CBR4: variants seen among roughly 807,000 people sequenced by gnomAD.
The protein encoded by CBR4 is carbonyl reductase 4, also known as 3-oxoacyl-[acyl-carrier-protein] reductase.
Under a neutral mutation model 21.0 loss-of-function variants are expected in CBR4, and 22 were observed. The observed-to-expected ratio is 1.05, with a 90% CI of 0.75 to 1.50. The LOEUF (loss-of-function observed/expected upper bound fraction) is 1.50, where lower values mean the gene tolerates loss of function less well. Ranked by LOEUF, CBR4 falls within the 40% of genes most tolerant of loss-of-function variation. The probability of loss-of-function intolerance (pLI) is 0.00; values close to 1 mark genes in which losing one functional copy is unlikely to be tolerated. For missense variants in CBR4, 302 were observed against 286.3 expected (o/e 1.05, Z -0.40); for synonymous variants, 100 against 104.4 (o/e 0.96, Z 0.26).
chr4:168,956,322 T>A, intron 2 of CBR4, among the ~76,000 whole-genome samples: 1 of 151,788 alleles, frequency 6.6e-6, no homozygotes, highest in East Asian at 1.9e-4. Flanking sequence ...GTAAGGGAAA[T>A]AGGCTGGGTG....
intron 3 of CBR4, among the ~76,000 whole-genome samples, chr4:169,002,472 C>T (rs1011425360): frequency 3.3e-5 from 5 of 152,120 alleles, no homozygotes; most frequent in Admixed American, 2.6e-4. Flanking sequence ...TGATTCACTA[C>T]GTGAAGGGGA....
At chr4:168,911,835 G>A (rs1223047163) in intron 2 of CBR4, among the ~76,000 whole-genome samples, 4 of 152,166 alleles carry the variant, frequency 2.6e-5, no homozygotes, top group African/African-American at 9.7e-5. Flanking sequence ...GAAACACAGT[G>A]TTTTAACTAT....
chr4:169,002,154 C>T lies in CBR4; in HGVS notation c.452G>A (p.Ser151Asn). The change falls in exon 4 of 5, where the codon AGT (serine) becomes AAT (asparagine). Residue 151 changes from serine (S) to asparagine (N), a missense_variant. Transcript: ENST00000306193. Reference sequence around the variant, plus strand: ...TGAAAATCCAACTAATCCTCCTTTACTGGCACTGTAAACGGACTGGCCAGA... The same window carrying T: ...TGAAAATCCAACTAATCCTCCTTTATTGGCACTGTAAACGGACTGGCCAGA... ...GNSGQSVYSA[S>N]KGGLVGFSRA... 2 of 1,578,132 alleles carry T rather than the reference C, an allele frequency of 1.3e-6. No homozygotes were observed. The highest frequency in any genetic ancestry group is 1.9e-4 in the Middle Eastern group (1 of 5,378).
intron 2 of CBR4, among the ~76,000 whole-genome samples, chr4:168,945,494 G>C (rs1763375211): frequency 6.6e-6 from 1 of 152,148 alleles, no homozygotes; most frequent in African/African-American, 2.4e-5. Context: ...GGGGGCCTTA[G>C]GAACTTTGTT....
chr4:168,956,583 G>A (rs1452527904), intron 2 of CBR4, among the ~76,000 whole-genome samples: 2 of 105,978 alleles, frequency 1.9e-5, no homozygotes, highest in African/African-American at 7.5e-5. Context: ...GGGCGACACA[G>A]CCAGACCCTG....
At chr4:168,914,072 A>G (rs377661246) in intron 2 of CBR4, 3 of 1,065,766 alleles carry the variant, frequency 2.8e-6, no homozygotes, top group East Asian at 2.5e-5. Context: ...ATTTATTACT[A>G]TAAATGTAGT....
chr4:169,002,740 ATTTTTTTT>A (rs34433008), intron 3 of CBR4, among the ~76,000 whole-genome samples: 1 of 142,476 alleles, frequency 7.0e-6, no homozygotes, highest in African/African-American at 2.5e-5. Flanking sequence ...CAGATATTGC[ATTTTTTTT>A]TTTTTTTTTT....
At chr4:168,931,129 C>T (rs1329809768) in intron 2 of CBR4, among the ~76,000 whole-genome samples, 1 of 152,176 alleles carries the variant, frequency 6.6e-6, no homozygotes, top group Non-Finnish European at 1.5e-5. Flanking sequence ...GCCTGAACTT[C>T]CAGGCAGAGA....
chr4:168,986,010 T>A (rs977495641), downstream of CBR4, among the ~76,000 whole-genome samples: 1 of 151,426 alleles, frequency 6.6e-6, no homozygotes, highest in African/African-American at 2.4e-5. Flanking sequence ...CCCTGTGACA[T>A]GTAATTTACC....
At chr4:168,969,496 G>T (rs921913410) in intron 2 of CBR4, among the ~76,000 whole-genome samples, 1 of 152,062 alleles carries the variant, frequency 6.6e-6, no homozygotes, top group African/African-American at 2.4e-5. Context: ...ATAATCACAT[G>T]AACCCTTAAA....
At chr4:168,913,255 G>C (rs1420092279) in intron 2 of CBR4, among the ~76,000 whole-genome samples, 1 of 151,234 alleles carries the variant, frequency 6.6e-6, no homozygotes, top group Non-Finnish European at 1.5e-5. Context: ...TTCTGCCTCA[G>C]CCTCCCAAGT....
At chr4:168,913,449 TTAATTAGTATATTACTA>T (rs1466198495) in intron 2 of CBR4, among the ~76,000 whole-genome samples, 1 of 152,066 alleles carries the variant, frequency 6.6e-6, no homozygotes, top group Non-Finnish European at 1.5e-5. Flanking sequence ...CCACTAACAT[TTAATTAGTATATTACTA>T]TAATTAGTAT....
At chr4:168,908,700 C>G (rs1758318087) in intron 2 of CBR4, among the ~76,000 whole-genome samples, 1 of 152,020 alleles carries the variant, frequency 6.6e-6, no homozygotes, top group South Asian at 2.1e-4. Context: ...TTCTAGTACA[C>G]TGTAGCCCAG....
chr4:168,996,350 TA>T (rs771706144), intron 4 of CBR4, among the ~76,000 whole-genome samples: 4 of 152,190 alleles, frequency 2.6e-5, no homozygotes, highest in African/African-American at 4.8e-5. Context: ...TGAGGAATTT[TA>T]GGTTTACAGA....
chr4:168,970,702 A>G (rs111871547), intron 2 of CBR4, among the ~76,000 whole-genome samples: 147 of 151,510 alleles, frequency 9.7e-4, no homozygotes, highest in African/African-American at 3.4e-3. Context: ...GCTCCCACTC[A>G]TAAGTGAGAA....
Position 168,988,650 on chromosome 4 carries a change from T to C in CBR4, c.*1500A>G. On this transcript the variant is annotated 3_prime_UTR_variant, in exon 5 of 5. Transcript: ENST00000306193. ...CTAGACTTGGTAATGCCTGATAAAT[T>C]CTGTATATTACCACGTCTTGCATTT... is the stretch of plus-strand genomic sequence containing the variant. 1 of 984,660 alleles carries C rather than the reference T, an allele frequency of 1.0e-6. No homozygotes were observed. The highest frequency in any genetic ancestry group is 1.2e-6 in the Non-Finnish European group (1 of 829,216). 61.0% of individuals were successfully genotyped at this position (984,660 alleles called of 1,614,324 possible).
At chr4:168,957,964 G>A (rs574279258) in intron 2 of CBR4, among the ~76,000 whole-genome samples, 6 of 152,262 alleles carry the variant, frequency 3.9e-5, no homozygotes, top group African/African-American at 1.4e-4. Context: ...TGCTTGCCAT[G>A]CTTCCCCTCT....
chr4:168,895,554 G>A (rs1210392025), intron 2 of CBR4, among the ~76,000 whole-genome samples: 2 of 152,156 alleles, frequency 1.3e-5, no homozygotes, highest in African/African-American at 2.4e-5. Context: ...AAAAGAAAAT[G>A]TTACAAAGAA....
At chr4:168,916,009 C>G in intron 2 of CBR4, 1 of 1,613,934 alleles carries the variant, frequency 6.2e-7, no homozygotes, top group Non-Finnish European at 8.5e-7. Flanking sequence ...AAGGAAAACT[C>G]TGCAGAATGG....
Sources: gnomAD v4.1 joint callset for allele counts (sites outside exome capture counted in the v4.1 genomes callset) on GRCh38, gnomAD v4.1.1 for gene constraint, MANE v1.5 for transcripts, NCBI Gene and HGNC (gene_info 2026-07-23, HGNC 2026-07-21) for gene names.